ROBO2: variants seen among roughly 807,000 people sequenced by gnomAD.
ROBO2 encodes roundabout guidance receptor 2, also known as roundabout homolog 2.
A neutral mutation model predicts 160.8 loss-of-function variants in ROBO2; 53 were observed. The observed-to-expected ratio is 0.33, with a 90% CI of 0.26 to 0.41. ROBO2 has a LOEUF of 0.41. ROBO2 is among the 10% of genes least tolerant of loss of function. The pLI is 1.00. For synonymous variants in ROBO2, 664 were observed against 611.7 expected (o/e 1.09, Z -1.26); for missense variants, 1,577 against 1,722.4 (o/e 0.92, Z 1.49).
chr3:76,887,193 C>CCTTTTT (rs1178064382), intron 2 of ROBO2, among the ~76,000 whole-genome samples: 22 of 120,434 alleles, frequency 1.8e-4, no homozygotes, highest in Non-Finnish European at 3.0e-4. Context: ...CTTCAGGAAG[C>CCTTTTT]ATTTTTTTTT....
chr3:76,835,337 C>T (rs1053736112), intron 2 of ROBO2, among the ~76,000 whole-genome samples: 8 of 148,874 alleles, frequency 5.4e-5, no homozygotes, highest in African/African-American at 2.4e-5. Context: ...AAAGGGAAAC[C>T]TCTGTGAATA....
At chr3:77,004,785 A>G (rs1242729817) in intron 2 of ROBO2, among the ~76,000 whole-genome samples, 1 of 152,104 alleles carries the variant, frequency 6.6e-6, no homozygotes, top group Non-Finnish European at 1.5e-5. Context: ...GACATAAACC[A>G]TTCCTTCTAT....
At chr3:76,757,802 A>G (rs1245693950) in intron 2 of ROBO2, among the ~76,000 whole-genome samples, 2 of 151,824 alleles carry the variant, frequency 1.3e-5, no homozygotes, top group African/African-American at 2.4e-5. Context: ...TTCACTCAGA[A>G]GAGGTGAGGA....
chr3:76,480,440 G>T (rs1353555428), intron 2 of ROBO2, among the ~76,000 whole-genome samples: 3 of 152,106 alleles, frequency 2.0e-5, no homozygotes, highest in African/African-American at 7.2e-5. Flanking sequence ...TACCTAAAAT[G>T]CAGGCTTCCT....
rs529298286 is a variant in ROBO2 at position 76,483,171 on chromosome 3, A to G, written c.109+545569A>G. Among the ~76,000 whole-genome samples the G allele has an allele frequency of 6.6e-5, 10 of 152,172 alleles. No homozygotes were observed. The East Asian group carries it at 1.9e-3, about 29-fold the overall frequency. On this transcript the variant is annotated intron_variant, in intron 2 of 26. Coordinates refer to the ROBO2 transcript ENST00000487694. The stretch of plus-strand genomic sequence containing the variant: ...TGCTTATAACCCTGTATAGTTAAGG[A>G]TATTTAAAATTGTTTTTGGAGATAT...
At chr3:76,147,179 A>G (rs1016241044) in intron 2 of ROBO2, among the ~76,000 whole-genome samples, 4 of 151,964 alleles carry the variant, frequency 2.6e-5, no homozygotes, top group African/African-American at 7.2e-5. Context: ...ATAAAAATTG[A>G]GTAGAAAATA....
At chr3:76,295,551 G>A (rs1244861661) in intron 2 of ROBO2, among the ~76,000 whole-genome samples, 2 of 152,088 alleles carry the variant, frequency 1.3e-5, no homozygotes, top group South Asian at 2.1e-4. Flanking sequence ...CAAAAAAACT[G>A]TTCTTTATGG....
intron 2 of ROBO2, among the ~76,000 whole-genome samples, chr3:77,423,593 C>T (rs1271629449): frequency 6.6e-6 from 1 of 152,060 alleles, no homozygotes; most frequent in Non-Finnish European, 1.5e-5. Flanking sequence ...ATGTCCCTCC[C>T]CACTTTTTTC....
chr3:76,816,428 A>G (rs1257448907), intron 2 of ROBO2, among the ~76,000 whole-genome samples: 1 of 152,110 alleles, frequency 6.6e-6, no homozygotes, highest in Admixed American at 6.6e-5. Context: ...AATAGGTATA[A>G]CATCAAGAGA....
At chr3:76,245,075 G>A (rs751954368) in intron 2 of ROBO2, among the ~76,000 whole-genome samples, 5 of 152,142 alleles carry the variant, frequency 3.3e-5, no homozygotes, top group Non-Finnish European at 7.4e-5. Flanking sequence ...AAAAAACTCT[G>A]AATTTTCAAT....
chr3:77,497,589 G>A (rs953222186), intron 5 of ROBO2, among the ~76,000 whole-genome samples: 12 of 152,066 alleles, frequency 7.9e-5, no homozygotes, highest in African/African-American at 2.9e-4. Context: ...CAGTAAAGAA[G>A]TAAATTGGAA....
chr3:76,397,856 AAC>A (rs1390411604), intron 2 of ROBO2, among the ~76,000 whole-genome samples: 1 of 151,352 alleles, frequency 6.6e-6, no homozygotes, highest in Non-Finnish European at 1.5e-5. Context: ...GAGAAATAGG[AAC>A]ACTTTTACAC....
chr3:77,017,448 G>A (rs1285394187), intron 2 of ROBO2, among the ~76,000 whole-genome samples: 1 of 152,176 alleles, frequency 6.6e-6, no homozygotes, highest in Non-Finnish European at 1.5e-5. Flanking sequence ...TGTATATTAA[G>A]TAGATTGGAC....
intron 2 of ROBO2, among the ~76,000 whole-genome samples, chr3:76,235,460 G>A (rs958476700): frequency 2.6e-5 from 4 of 152,258 alleles, no homozygotes; most frequent in South Asian, 2.1e-4. Flanking sequence ...ACCTGTCTAC[G>A]ACTGCGGAGA....
intron 2 of ROBO2, among the ~76,000 whole-genome samples, chr3:77,226,007 C>T (rs2151239995): frequency 6.6e-6 from 1 of 152,046 alleles, no homozygotes; most frequent in East Asian, 1.9e-4. Flanking sequence ...TATTACACAT[C>T]GGTATTTTCC....
At chr3:77,230,962 T>G (rs1357130210) in intron 2 of ROBO2, among the ~76,000 whole-genome samples, 3 of 152,208 alleles carry the variant, frequency 2.0e-5, no homozygotes, top group Non-Finnish European at 4.4e-5. Context: ...GGCAAATTGA[T>G]TTTTAGTTAA....
chr3:76,616,564 C>A (rs2088601441), intron 2 of ROBO2, among the ~76,000 whole-genome samples: 2 of 152,148 alleles, frequency 1.3e-5, no homozygotes, highest in South Asian at 4.1e-4. Context: ...TGACTTATTT[C>A]TGCTAAAAGA....
chr3:76,554,875 A>G (rs929722104), intron 2 of ROBO2, among the ~76,000 whole-genome samples: 4 of 152,108 alleles, frequency 2.6e-5, no homozygotes, highest in Non-Finnish European at 5.9e-5. Flanking sequence ...TCAGGGAAAA[A>G]AATCACATTA....
intron 2 of ROBO2, among the ~76,000 whole-genome samples, chr3:76,925,614 A>C (rs182522306): frequency 6.6e-6 from 1 of 152,292 alleles, no homozygotes; most frequent in Admixed American, 6.5e-5. Flanking sequence ...TGATATTTGC[A>C]ATGCACTTTT....
Sources: gnomAD v4.1 joint callset for allele counts (sites outside exome capture counted in the v4.1 genomes callset) on GRCh38, gnomAD v4.1.1 for gene constraint, MANE v1.5 for transcripts, NCBI Gene and HGNC (gene_info 2026-07-23, HGNC 2026-07-21) for gene names.